Variants in KCNH6 observed in about 807,000 individuals in gnomAD.
KCNH6 encodes the protein potassium voltage-gated channel subfamily H member 6, also known as voltage-gated inwardly rectifying potassium channel KCNH6.
In KCNH6, 81 loss-of-function variants were observed where a neutral mutation model predicts 83.4. That is an observed-to-expected ratio of 0.97 (90% CI 0.81 to 1.17). KCNH6 has a LOEUF of 1.17. Among genes scored for constraint, KCNH6 ranks in the 50% most tolerant of loss-of-function variants. The pLI, the probability that KCNH6 is intolerant of heterozygous loss-of-function variation, is 0.00. For missense variants in KCNH6, 1,203 were observed against 1,290.5 expected (o/e 0.93, Z 1.04); for synonymous variants, 503 against 545.6 (o/e 0.92, Z 1.09).
At chr17:63,542,510 C>A in intron 9 of KCNH6, 76 bp downstream of exon 9, 1 of 1,276,256 alleles carries the variant, frequency 7.8e-7, no homozygotes, top group Non-Finnish European at 1.1e-6. Context: ...ACCCATCTGA[C>A]CAACACCCTT....
Position 63,543,588 on chromosome 17 carries a change from C to G in KCNH6, c.2161C>G (p.Leu721Val), listed in dbSNP as rs765512932. ...TFNLRDAAGGLHSSPRQAPGS... is the reference protein window; with the variant it reads ...TFNLRDAAGGVHSSPRQAPGS... ...TGCTTCCCATAAGGCAGCCGGGGGT[C>G]TCCACTCATCCCCCCGACAGGCTCC... Residue 721 changes from leucine (L) to valine (V), a missense_variant, in exon 10 of 13, where the codon CTC becomes GTC. By Grantham distance (32) the Leu-to-Val change is conservative. Transcript: ENST00000314672. 6.2e-7 allele frequency: 1 copy of G among 1,611,058 alleles called. No individual in the cohort carries two copies. Among genetic ancestry groups the G allele is most frequent in the Non-Finnish European group, 8.5e-7 (1 of 1,177,538 alleles).
chr17:63,528,655 C>T (rs1283206719), intron 2 of KCNH6, among the ~76,000 whole-genome samples: 2 of 152,122 alleles, frequency 1.3e-5, no homozygotes, highest in Admixed American at 6.5e-5. Flanking sequence ...CCTAACCTGC[C>T]CTCAGGGAGT....
chr17:63,524,374 G>T lies in KCNH6; in HGVS notation c.307+5G>T. ...TCCTCTACTACCGCAAGGATGGTGA[G>T]GCATACTCAGGCCAGAGGCTTTGCA... On this transcript the variant is annotated splice_donor_5th_base_variant and intron_variant, in intron 2 of 12. Transcript: ENST00000314672. 3 of 1,611,074 alleles carry T rather than the reference G, an allele frequency of 1.9e-6. No homozygotes were observed. In the South Asian group the frequency reaches 3.3e-5, roughly 18 times the overall value.
In KCNH6 at chr17:63,523,409, G is replaced by T. The variant is rs763758491; in HGVS notation, c.-5G>T. 14 of 1,589,390 alleles carry T rather than the reference G, an allele frequency of 8.8e-6. No homozygotes were observed. In the Admixed American group the frequency reaches 2.2e-4, roughly 25 times the overall value. On this transcript the variant is annotated 5_prime_UTR_variant, in exon 1 of 13. Transcript: ENST00000314672. The surrounding 1 kb of genome is among the most constrained non-coding windows in gnomAD (Gnocchi z 4.2). ...GTGGCTCCGGGCAGGGGCCGCGGCC[G>T]AAAGATGCCGGTCCGCAGGGGCCAC...
chr17:63,541,745 C>T (rs2032874303), intron 8 of KCNH6, among the ~76,000 whole-genome samples: 1 of 152,196 alleles, frequency 6.6e-6, no homozygotes, highest in South Asian at 2.1e-4. Context: ...AAGCTTCCTT[C>T]ACCAGGGCCA....
At position 63,535,870 on chromosome 17, in the gene KCNH6, G is replaced by A. The variant is rs752626043; in HGVS notation, c.1303G>A (p.Gly435Ser). The A allele has an allele frequency of 7.4e-6, 12 of 1,614,018 alleles. No homozygotes were observed. The highest frequency in any genetic ancestry group is 2.2e-5 in the East Asian group (1 of 44,900). Residue 435 changes from glycine (G) to serine (S), a missense_variant, in exon 6 of 13, where the codon GGC becomes AGC. Gly to Ser is a moderately conservative substitution (Grantham distance 56). Transcript: ENST00000314672. This position sits in a 1 kb window ranked among gnomAD's most constrained non-coding sequence, Gnocchi z 4.9. ...VERPYLEHKI[G>S]WLDSLGVQLG... ...GCGGCCCTACCTAGAACACAAGATC[G>A]GCTGGCTGGACAGCCTGGGTGTGCA... is the stretch of plus-strand genomic sequence containing the variant.
In KCNH6 at chr17:63,542,240, G is replaced by A; in HGVS notation, c.1955-1G>A. 6.2e-7 allele frequency: 1 copy of A among 1,613,468 alleles called. No individual in the cohort carries two copies. The highest frequency in any genetic ancestry group is 8.5e-7 in the Non-Finnish European group (1 of 1,179,614). ...GAGACTCCCACCCCTCTGGCTGGCAGGAAAGAATGACATCTTTGGGGAACC... is the reference window on the plus strand; with the variant it reads ...GAGACTCCCACCCCTCTGGCTGGCAAGAAAGAATGACATCTTTGGGGAACC... On this transcript the variant is annotated splice_acceptor_variant, in intron 8 of 12. Transcript: ENST00000314672. LOFTEE classifies it high-confidence loss of function.
chr17:63,529,985 G>A (rs987876827), intron 2 of KCNH6, 106 bp from the exon 3 acceptor site: 33 of 1,221,600 alleles, frequency 2.7e-5, no homozygotes, highest in South Asian at 5.7e-5. Context: ...CTCTTCACCC[G>A]TGGCTGCCCT....
At chr17:63,540,746 G>A (rs2032810089) in intron 8 of KCNH6, among the ~76,000 whole-genome samples, 1 of 152,182 alleles carries the variant, frequency 6.6e-6, no homozygotes, top group Non-Finnish European at 1.5e-5. Context: ...ATCCTTCTGT[G>A]CTAAACTGTT....
At chr17:63,530,275 G>A (rs967782677) in intron 3 of KCNH6, 23 bp downstream of exon 3, 2 of 1,613,810 alleles carry the variant, frequency 1.2e-6, no homozygotes, top group Non-Finnish European at 1.7e-6. Context: ...GAGGGTGGTG[G>A]TGGGAGGGAC....
At chr17:63,544,540 T>A in intron 11 of KCNH6, 129 bp downstream of exon 11, 1 of 732,810 alleles carries the variant, frequency 1.4e-6, no homozygotes, top group Non-Finnish European at 2.0e-6. Context: ...TCCCCATACC[T>A]GTCATTAAGC....
intron 10 of KCNH6, 110 bp from the exon 11 acceptor site, chr17:63,544,139 A>G: frequency 6.2e-7 from 1 of 1,600,054 alleles, no homozygotes; most frequent in East Asian, 2.2e-5. Context: ...GCCACTCCTC[A>G]CACCCTGTGT....
Position 63,544,374 on chromosome 17 carries a change from GGCTCCAGGCTAGAGCA to G in KCNH6, c.2369_2384del (p.Leu790ProfsTer3). On this transcript the variant is annotated frameshift_variant, in exon 11 of 13. Coordinates refer to ENST00000314672, the MANE Select transcript of KCNH6 (RefSeq NM_001278919.2). LOFTEE classifies it high-confidence loss of function. The stretch of plus-strand genomic sequence containing the variant: ...CCCAGATTGCTGGCCTCTGAAGCTG[GGCTCCAGGCTAGAGCA>G]GCTCCAGGCCCAGATGAACAGGTGT... The G allele has an allele frequency of 6.2e-7, 1 of 1,606,744 alleles. No homozygotes were observed. The highest frequency in any genetic ancestry group is 8.5e-7 in the Non-Finnish European group (1 of 1,176,554).
At position 63,538,420 on chromosome 17, in the gene KCNH6, G is replaced by A. The variant is rs773621741; in HGVS notation, c.1712G>A (p.Gly571Asp). ...CCGCCCGCCTTGCAGGTGCTGAAGG[G>A]CTTCCCCGAGTGCCTGCAGGCTGAC... ...NGIDMNAVLK[G>D]FPECLQADIC... Residue 571 changes from glycine (G) to aspartate (D), a missense_variant, in exon 8 of 13, where the codon GGC (glycine) becomes GAC (aspartate). By Grantham distance (94) the Gly-to-Asp change is moderately conservative. Coordinates refer to ENST00000314672, the MANE Select transcript of KCNH6 (RefSeq NM_001278919.2). This position sits in a 1 kb window ranked among gnomAD's most constrained non-coding sequence, Gnocchi z 4.0. 37 of 1,598,610 alleles carry A rather than the reference G, an allele frequency of 2.3e-5. No homozygotes were observed. In the Middle Eastern group the frequency reaches 8.5e-4, roughly 37 times the overall value.
chr17:63,534,604 A>G lies in KCNH6; in HGVS notation c.1101+293A>G, dbSNP rs1233634473. Among the ~76,000 whole-genome samples, 1 of 151,800 alleles carries G rather than the reference A, an allele frequency of 6.6e-6. No individual in the cohort carries two copies. The highest frequency in any genetic ancestry group is 2.4e-5 in the African/African-American group (1 of 41,282). ...GGCACTCGTGTGGTCCCGGCCCCTC[A>G]TGCTGACTTCCAAACTGCACTCACC... On this transcript the variant is annotated intron_variant, in intron 5 of 12. Coordinates refer to ENST00000314672, the MANE Select transcript of KCNH6 (RefSeq NM_001278919.2). The surrounding 1 kb of genome is among the most constrained non-coding windows in gnomAD (Gnocchi z 5.0).
intron 8 of KCNH6, 77 bp from the exon 9 acceptor site, chr17:63,542,164 G>T (rs2032898108): frequency 8.8e-6 from 13 of 1,474,516 alleles, no homozygotes; most frequent in Non-Finnish European, 1.2e-5. Context: ...GAGGTTGGGG[G>T]AGGTCACGGT....
At chr17:63,532,921 A>C (rs915235360) in intron 4 of KCNH6, among the ~76,000 whole-genome samples, 7 of 152,154 alleles carry the variant, frequency 4.6e-5, no homozygotes, top group Admixed American at 1.3e-4. Context: ...TAACTACATG[A>C]GAAGAGATGC....
intron 2 of KCNH6, among the ~76,000 whole-genome samples, chr17:63,526,538 G>T (rs2031728453): frequency 6.6e-6 from 1 of 151,596 alleles, no homozygotes; most frequent in South Asian, 2.1e-4. Flanking sequence ...TTAATTTTTT[G>T]TAGGGATGGG....
intron 8 of KCNH6, among the ~76,000 whole-genome samples, chr17:63,539,002 A>G (rs2032709377): frequency 6.6e-6 from 1 of 152,034 alleles, no homozygotes; most frequent in South Asian, 2.1e-4. Context: ...GAGAAAGGCC[A>G]AGGGTCTTTC....
Sources: gnomAD v4.1 joint callset for allele counts (sites outside exome capture counted in the v4.1 genomes callset) on GRCh38, gnomAD v4.1.1 for gene constraint, Gnocchi (gnomAD v3.1) non-coding constraint, MANE v1.5 for transcripts, NCBI Gene and HGNC (gene_info 2026-07-23, HGNC 2026-07-21) for gene names.